Variants in ASIC2 observed in about 807,000 individuals in gnomAD.
The protein encoded by ASIC2 is acid-sensing ion channel 2.
A neutral mutation model predicts 57.3 loss-of-function variants in ASIC2; 25 were observed. The observed-to-expected ratio is 0.44, with a 90% CI of 0.32 to 0.61. The LOEUF (loss-of-function observed/expected upper bound fraction) is 0.61, where lower values mean the gene tolerates loss of function less well. Among genes scored for constraint, ASIC2 ranks in the 20% least tolerant of loss-of-function variants. ASIC2 has a pLI of 0.06. For missense variants in ASIC2, 641 were observed against 738.1 expected (o/e 0.87, Z 1.52); for synonymous variants, 319 against 307.5 (o/e 1.04, Z -0.39).
At chr17:33,824,795 C>T (rs1912856641) in intron 1 of ASIC2, among the ~76,000 whole-genome samples, 1 of 152,204 alleles carries the variant, frequency 6.6e-6, no homozygotes, top group Non-Finnish European at 1.5e-5. Context: ...CAAGATGTCC[C>T]TCTGCTCTTC....
intron 1 of ASIC2, among the ~76,000 whole-genome samples, chr17:33,369,458 C>A (rs1597702272): frequency 1.3e-5 from 2 of 152,282 alleles, no homozygotes; most frequent in Middle Eastern, 3.4e-3. Context: ...CTTCCTTTCC[C>A]TTTTTGTAAA....
chr17:33,946,761 G>A (rs894902534), intron 1 of ASIC2, among the ~76,000 whole-genome samples: 9 of 152,158 alleles, frequency 5.9e-5, no homozygotes, highest in African/African-American at 1.4e-4. Context: ...TTGGGAAGGT[G>A]GGGCCAGGGG....
intron 1 of ASIC2, among the ~76,000 whole-genome samples, chr17:33,577,130 A>C (rs1166965119): frequency 6.6e-6 from 1 of 152,074 alleles, no homozygotes; most frequent in Non-Finnish European, 1.5e-5. Flanking sequence ...TTGAGAAGAC[A>C]ATGTTGAAGA....
At chr17:34,001,660 G>A (rs1906344330) in intron 1 of ASIC2, 1 of 152,294 alleles carries the variant, frequency 6.6e-6, no homozygotes, top group South Asian at 2.1e-4. Flanking sequence ...GGCAAAGATG[G>A]ATGATCGCTT....
chr17:33,987,633 C>T (rs1048711917), intron 1 of ASIC2, among the ~76,000 whole-genome samples: 1 of 151,986 alleles, frequency 6.6e-6, no homozygotes, highest in African/African-American at 2.4e-5. Flanking sequence ...TATCATTTAA[C>T]CCATTAGCCA....
chr17:33,665,832 A>G (rs1907455007), intron 1 of ASIC2, among the ~76,000 whole-genome samples: 1 of 152,144 alleles, frequency 6.6e-6, no homozygotes, highest in South Asian at 2.1e-4. Context: ...CTGTGGCTGC[A>G]TTCTCCAAAT....
chr17:33,170,868 ATACT>A (rs2142048635), intron 1 of ASIC2, among the ~76,000 whole-genome samples: 1 of 152,324 alleles, frequency 6.6e-6, no homozygotes, highest in East Asian at 1.9e-4. Context: ...CTATAGCAAC[ATACT>A]TCAGTTTGCA....
At chr17:33,113,366 A>G (rs1454162368) in intron 1 of ASIC2, among the ~76,000 whole-genome samples, 1 of 152,218 alleles carries the variant, frequency 6.6e-6, no homozygotes, top group South Asian at 2.1e-4. Flanking sequence ...TACAAATGCT[A>G]CGGGTTATGA....
At position 34,086,670 on chromosome 17, in the gene ASIC2, C is replaced by G. The variant is rs564522947; in HGVS notation, c.555+69308G>C. On this transcript the variant is annotated intron_variant, in intron 1 of 9. Transcript: ENST00000359872. The stretch of plus-strand genomic sequence containing the variant: ...AGTCTCCCATTATTAATGTGTGGGA[C>G]TCTAAGTCTCTTTGTAGGTCACTCA... 3.8e-4 allele frequency among the ~76,000 whole-genome samples: 58 copies of G among 152,168 alleles called. 3 individuals are homozygous for G. Among genetic ancestry groups the G allele is most frequent in the African/African-American group, 1.1e-3 (46 of 41,532 alleles).
intron 1 of ASIC2, among the ~76,000 whole-genome samples, chr17:33,780,116 G>A (rs917331768): frequency 6.6e-5 from 10 of 151,778 alleles, no homozygotes; most frequent in African/African-American, 1.2e-4. Context: ...GAACACAGGT[G>A]CCCGCCACCA....
chr17:33,742,816 C>T (rs777805471), intron 1 of ASIC2, among the ~76,000 whole-genome samples: 7 of 152,180 alleles, frequency 4.6e-5, no homozygotes, highest in Admixed American at 2.0e-4. Flanking sequence ...GCCTCACGTC[C>T]CTGGCACACG....
At chr17:33,993,712 T>C (rs1478091853) in intron 1 of ASIC2, among the ~76,000 whole-genome samples, 2 of 149,174 alleles carry the variant, frequency 1.3e-5, no homozygotes, top group African/African-American at 5.2e-5. Flanking sequence ...TATCATGTAC[T>C]GGAAGTGGGA....
At chr17:33,429,868 AG>A (rs990850863) in intron 1 of ASIC2, among the ~76,000 whole-genome samples, 2 of 152,176 alleles carry the variant, frequency 1.3e-5, no homozygotes, top group African/African-American at 4.8e-5. Flanking sequence ...ACCATGGCTA[AG>A]GGGGGTGGCC....
chr17:33,645,257 G>T (rs1347033020), intron 1 of ASIC2, among the ~76,000 whole-genome samples: 2 of 152,156 alleles, frequency 1.3e-5, no homozygotes, highest in East Asian at 1.9e-4. Context: ...CTAATTCAGT[G>T]CTCCTTCTAC....
intron 1 of ASIC2, among the ~76,000 whole-genome samples, chr17:33,942,996 C>T (rs1014794301): frequency 5.3e-5 from 8 of 152,106 alleles, no homozygotes; most frequent in African/African-American, 9.7e-5. Flanking sequence ...GTGTAAGTTC[C>T]GACCTTTTAT....
At chr17:33,942,585 C>T (rs887198192) in intron 1 of ASIC2, among the ~76,000 whole-genome samples, 7 of 152,174 alleles carry the variant, frequency 4.6e-5, no homozygotes, top group African/African-American at 1.4e-4. Context: ...ACAGGGCACA[C>T]GAAGTCACTG....
At chr17:34,022,443 A>G (rs192616353) in intron 1 of ASIC2, among the ~76,000 whole-genome samples, 24 of 152,240 alleles carry the variant, frequency 1.6e-4, no homozygotes, top group African/African-American at 5.5e-4. Flanking sequence ...CTTATCCTAC[A>G]TAAAATATTA....
chr17:33,953,162 GTAAT>G (rs1461789060), intron 1 of ASIC2, among the ~76,000 whole-genome samples: 1 of 152,064 alleles, frequency 6.6e-6, no homozygotes, highest in African/African-American at 2.4e-5. Flanking sequence ...TGTGTTAAGA[GTAAT>G]TACCACTGAG....
intron 1 of ASIC2, among the ~76,000 whole-genome samples, chr17:33,584,999 TGGA>T (rs1904571747): frequency 6.6e-6 from 1 of 152,078 alleles, no homozygotes; most frequent in East Asian, 1.9e-4. Flanking sequence ...TAGTTTCAGT[TGGA>T]GAAGAGTTTT....
Sources: allele counts gnomAD v4.1 joint callset (sites outside exome capture counted in the v4.1 genomes callset), GRCh38; gene constraint gnomAD v4.1.1; transcripts MANE v1.5; gene names NCBI Gene and HGNC (gene_info 2026-07-23, HGNC 2026-07-21).